GABBR2: variants seen among roughly 807,000 people sequenced by gnomAD.
GABBR2 encodes G-protein coupled receptor 51.
Under a neutral mutation model 105.6 loss-of-function variants are expected in GABBR2, and 23 were observed. The ratio of observed to expected loss-of-function variants is 0.22; its 90% CI spans 0.16 to 0.31. The LOEUF (loss-of-function observed/expected upper bound fraction) is 0.31. GABBR2 is among the 10% of genes least tolerant of loss of function. The pLI is 1.00. For synonymous variants in GABBR2, 478 were observed against 499.7 expected (o/e 0.96, Z 0.58); for missense variants, 734 against 1,245.5 (o/e 0.59, Z 6.18).
intron 13 of GABBR2, among the ~76,000 whole-genome samples, chr9:98,341,284 G>A (rs921837734): frequency 2.6e-5 from 4 of 152,250 alleles, no homozygotes; most frequent in Non-Finnish European, 4.4e-5. Context: ...CTGCAGAGCC[G>A]AGCCGAGGCT....
chr9:98,423,944 C>T (rs149452709), intron 7 of GABBR2, among the ~76,000 whole-genome samples: 28 of 152,156 alleles, frequency 1.8e-4, no homozygotes, highest in East Asian at 3.9e-4. Flanking sequence ...CTGAGGGCTC[C>T]GTTCTGTTCT....
At chr9:98,500,422 C>T (rs372992623) in intron 3 of GABBR2, among the ~76,000 whole-genome samples, 1 of 152,104 alleles carries the variant, frequency 6.6e-6, no homozygotes, top group South Asian at 2.1e-4. Flanking sequence ...TGGAAGGGAG[C>T]CCCAGGAGGG....
intron 1 of GABBR2, among the ~76,000 whole-genome samples, chr9:98,618,720 A>C (rs1210117051): frequency 6.6e-6 from 1 of 151,080 alleles, no homozygotes; most frequent in Non-Finnish European, 1.5e-5. Context: ...CATGGCTACC[A>C]CCTCCCCAGC....
At chr9:98,380,540 C>T (rs2131478511) in intron 11 of GABBR2, among the ~76,000 whole-genome samples, 1 of 152,362 alleles carries the variant, frequency 6.6e-6, no homozygotes. Flanking sequence ...GGGGCCCTGG[C>T]CACGCCCAGC....
chr9:98,367,393 T>C (rs1037617263), intron 12 of GABBR2, among the ~76,000 whole-genome samples: 2 of 151,592 alleles, frequency 1.3e-5, no homozygotes, highest in Non-Finnish European at 2.9e-5. Context: ...AAATATTGTA[T>C]GGTTTAACTT....
At chr9:98,479,569 TC>T (rs796695351) in intron 5 of GABBR2, among the ~76,000 whole-genome samples, 25 of 152,348 alleles carry the variant, frequency 1.6e-4, no homozygotes, top group African/African-American at 4.6e-4. Context: ...CTCGTTTTGC[TC>T]CTGAGCCTTC....
intron 3 of GABBR2, among the ~76,000 whole-genome samples, chr9:98,537,732 T>C (rs1828210347): frequency 6.6e-6 from 1 of 152,100 alleles, no homozygotes; most frequent in Non-Finnish European, 1.5e-5. Context: ...CCACCACACC[T>C]GGCCAACATA....
At chr9:98,419,711 T>C (rs142031812) in intron 7 of GABBR2, among the ~76,000 whole-genome samples, 164 of 152,300 alleles carry the variant, frequency 1.1e-3, no homozygotes, top group African/African-American at 2.5e-3. Flanking sequence ...TAAATCTTCA[T>C]TGACATCCCC....
In GABBR2 at chr9:98,708,584, TG is replaced by T; in HGVS notation, c.153del (p.Ser52AlafsTer63). On this transcript the variant is annotated frameshift_variant, in exon 1 of 19. Transcript: ENST00000259455. LOFTEE classifies it high-confidence loss of function. ...GWARGAPRPP[P>X]SSPPLSIMGL... ...CCCATGATGGAGAGCGGCGGGCTGCTGGGCGGCGGCCGGGGGGCGCCCCGCG... is the reference window on the plus strand; with the variant it reads ...CCCATGATGGAGAGCGGCGGGCTGCTGGCGGCGGCCGGGGGGCGCCCCGCG... 6.7e-7 allele frequency: 1 copy of T among 1,487,880 alleles called. No homozygotes were observed. Among genetic ancestry groups the T allele is most frequent in the Non-Finnish European group, 8.9e-7 (1 of 1,120,704 alleles). 92.2% of individuals were successfully genotyped at this position (1,487,880 alleles called of 1,614,324 possible).
At chr9:98,684,206 G>T (rs1402223151) in intron 1 of GABBR2, among the ~76,000 whole-genome samples, 1 of 122,048 alleles carries the variant, frequency 8.2e-6, no homozygotes, top group African/African-American at 3.2e-5. Context: ...TTGGTTGTGG[G>T]GGGTGGGACT....
chr9:98,607,583 T>C lies in GABBR2; in HGVS notation c.322-29511A>G, dbSNP rs1588249970. 20 of 679,946 alleles carry C rather than the reference T, an allele frequency of 2.9e-5. 1 individual carries two copies. The highest frequency in any genetic ancestry group is 2.0e-4 in the South Asian group (11 of 53,714). The allele number at this position is 679,946 out of a possible 1,614,324, so 42.1% of individuals were successfully genotyped here. A position where few individuals can be genotyped will look rare whatever the true frequency, so the allele number is the denominator to read the frequency against. ...GTTGGTGTGGTAGGTAGTAATACTA[T>C]CATCAAAGTTAATGGCAAAATGATC... is the stretch of plus-strand genomic sequence containing the variant. On this transcript the variant is annotated intron_variant, in intron 1 of 18. Coordinates refer to ENST00000259455, the MANE Select transcript of GABBR2 (RefSeq NM_005458.8).
At chr9:98,523,414 T>C (rs1231371556) in intron 3 of GABBR2, among the ~76,000 whole-genome samples, 2 of 152,262 alleles carry the variant, frequency 1.3e-5, no homozygotes, top group Non-Finnish European at 2.9e-5. Flanking sequence ...AGATGAGTAA[T>C]CTTTAAAGGA....
chr9:98,471,566 A>T (rs1172949267), intron 6 of GABBR2, among the ~76,000 whole-genome samples: 1 of 152,250 alleles, frequency 6.6e-6, no homozygotes, highest in African/African-American at 2.4e-5. Context: ...CCTGGCTGAA[A>T]GCCACACCCT....
intron 1 of GABBR2, among the ~76,000 whole-genome samples, chr9:98,680,833 T>A (rs1830536199): frequency 6.6e-6 from 1 of 152,164 alleles, no homozygotes; most frequent in Non-Finnish European, 1.5e-5. Flanking sequence ...AGAAACAGAC[T>A]AACTATGTAT....
intron 1 of GABBR2, among the ~76,000 whole-genome samples, chr9:98,622,466 C>A (rs903638926): frequency 1.3e-5 from 2 of 152,136 alleles, no homozygotes; most frequent in East Asian, 3.9e-4. Flanking sequence ...CAAACAGAAA[C>A]CCCCAGTCAT....
chr9:98,547,355 T>C (rs1177989176), intron 2 of GABBR2, among the ~76,000 whole-genome samples: 2 of 117,246 alleles, frequency 1.7e-5, no homozygotes, highest in African/African-American at 2.7e-5. Context: ...ATTTATTACA[T>C]ATACATTTAT....
In GABBR2 at chr9:98,655,828, G is replaced by T. The variant is rs144331924; in HGVS notation, c.321+52589C>A. On this transcript the variant is annotated intron_variant, in intron 1 of 18. Transcript: ENST00000259455. ...AGGGAGGGGAACATCACACACTGGGGCCTTTTGGGGATGGGGGGCTACAGG... is the reference window on the plus strand; with the variant it reads ...AGGGAGGGGAACATCACACACTGGGTCCTTTTGGGGATGGGGGGCTACAGG... 7.4e-3 allele frequency among the ~76,000 whole-genome samples: 1,130 copies of T among 152,222 alleles called. 17 individuals carry two copies. The highest frequency in any genetic ancestry group is 0.026 in the African/African-American group (1,072 of 41,542).
At chr9:98,623,796 A>G (rs1829700339) in intron 1 of GABBR2, among the ~76,000 whole-genome samples, 1 of 152,186 alleles carries the variant, frequency 6.6e-6, no homozygotes, top group African/African-American at 2.4e-5. Flanking sequence ...ATAGTCTCCC[A>G]TCTCTAGATC....
intron 1 of GABBR2, among the ~76,000 whole-genome samples, chr9:98,605,890 C>A (rs976783478): frequency 6.6e-6 from 1 of 152,114 alleles, no homozygotes; most frequent in Non-Finnish European, 1.5e-5. Flanking sequence ...TCGTCATTTA[C>A]GTTAGGTATA....
Sources: gnomAD v4.1 joint callset for allele counts (sites outside exome capture counted in the v4.1 genomes callset) on GRCh38, gnomAD v4.1.1 for gene constraint, MANE v1.5 for transcripts, NCBI Gene and HGNC (gene_info 2026-07-23, HGNC 2026-07-21) for gene names.